VOPP1: variants seen among roughly 807,000 people sequenced by gnomAD.
VOPP1 encodes VOPP1 WW domain binding protein, also known as WW domain binding protein VOPP1.
A neutral mutation model predicts 23.5 loss-of-function variants in VOPP1; 8 were observed. The ratio of observed to expected loss-of-function variants is 0.34; its 90% CI spans 0.20 to 0.61. VOPP1 has a LOEUF of 0.61. Ranked by LOEUF, VOPP1 falls within the 20% of genes least tolerant of loss-of-function variation. The pLI, the probability that VOPP1 is intolerant of heterozygous loss-of-function variation, is 0.78. For synonymous variants in VOPP1, 83 were observed against 97.3 expected, an observed-to-expected ratio of 0.85 and a Z score of 0.86; for missense variants, 174 against 238.1, an observed-to-expected ratio of 0.73 and a Z score of 1.77.
At chr7:55,570,770 C>T (rs561260249) in intron 1 of VOPP1, among the ~76,000 whole-genome samples, 4 of 152,084 alleles carry the variant, frequency 2.6e-5, no homozygotes, top group African/African-American at 9.6e-5. Context: ...GACGAAACCC[C>T]GACTCTACTA....
chr7:55,483,363 T>C (rs1792883922), intron 4 of VOPP1, among the ~76,000 whole-genome samples: 1 of 152,196 alleles, frequency 6.6e-6, no homozygotes, highest in Admixed American at 6.5e-5. Context: ...TAAGTGTCTA[T>C]GGATCCTGAT....
intron 4 of VOPP1, 130 bp downstream of exon 4, chr7:55,492,152 G>T: frequency 7.6e-7 from 1 of 1,317,700 alleles, no homozygotes; most frequent in Non-Finnish European, 1.0e-6. Context: ...CTGGTCATCA[G>T]AACTAAAAAA....
intron 3 of VOPP1, among the ~76,000 whole-genome samples, chr7:55,495,722 C>G (rs868191834): frequency 2.5e-4 from 38 of 152,302 alleles, no homozygotes; most frequent in Middle Eastern, 6.8e-3. Flanking sequence ...ATATCAGACC[C>G]GATGTTGATT....
At chr7:55,553,404 A>C (rs933905007) in intron 1 of VOPP1, among the ~76,000 whole-genome samples, 3 of 152,206 alleles carry the variant, frequency 2.0e-5, no homozygotes, top group Non-Finnish European at 2.9e-5. Flanking sequence ...CCTGGGGAGC[A>C]ACGGGCTGTT....
intron 1 of VOPP1, among the ~76,000 whole-genome samples, chr7:55,525,489 C>CAAA (rs535700902): frequency 1.8e-5 from 2 of 111,226 alleles, no homozygotes; most frequent in Non-Finnish European, 1.9e-5. Flanking sequence ...ACTCCGTCTC[C>CAAA]AAAAAAAAAA....
chr7:55,556,049 C>CT (rs1421460024), intron 1 of VOPP1, among the ~76,000 whole-genome samples: 3 of 152,220 alleles, frequency 2.0e-5, no homozygotes, highest in Non-Finnish European at 2.9e-5. Context: ...GGAAGCCCCT[C>CT]TGCTGCTTAC....
At chr7:55,524,235 T>C (rs184666288) in intron 1 of VOPP1, among the ~76,000 whole-genome samples, 2 of 152,382 alleles carry the variant, frequency 1.3e-5, no homozygotes, top group African/African-American at 4.8e-5. Context: ...AATAACCTTT[T>C]ATCATTTCTC....
intron 1 of VOPP1, among the ~76,000 whole-genome samples, chr7:55,523,896 T>G (rs1421077971): frequency 1.3e-5 from 2 of 152,264 alleles, no homozygotes; most frequent in African/African-American, 2.4e-5. Flanking sequence ...TATCTTTTTA[T>G]GTAGTTTGAC....
chr7:55,481,479 C>T (rs541838030), intron 4 of VOPP1, among the ~76,000 whole-genome samples: 4 of 152,252 alleles, frequency 2.6e-5, no homozygotes, highest in East Asian at 1.9e-4. Context: ...AGGGTGGTGT[C>T]GAGAGAAAAG....
Position 55,471,656 on chromosome 7 carries a change from G to A in VOPP1, c.*1199C>T, listed in dbSNP as rs1273078165. On this transcript the variant is annotated 3_prime_UTR_variant, in exon 5 of 5. Coordinates refer to ENST00000285279, the MANE Select transcript of VOPP1 (RefSeq NM_030796.5). ...CCGTCAACTACTCAGGAGACTACCT[G>A]TGAGATCCTGGGGTGAGCTGTGATT... The A allele has an allele frequency of 6.6e-6, 1 of 151,818 alleles. No individual in the cohort carries two copies. The highest frequency in any genetic ancestry group is 1.5e-5 in the Non-Finnish European group (1 of 67,966). 9.4% of individuals were successfully genotyped at this position (151,818 alleles called of 1,614,324 possible).
At chr7:55,451,791 A>G (rs2129001799) in intron 4 of VOPP1, among the ~76,000 whole-genome samples, 1 of 152,340 alleles carries the variant, frequency 6.6e-6, no homozygotes. Flanking sequence ...ACTCTGTCTA[A>G]AAACAAACAA....
At chr7:55,483,305 A>C (rs1420121050) in intron 4 of VOPP1, among the ~76,000 whole-genome samples, 1 of 152,176 alleles carries the variant, frequency 6.6e-6, no homozygotes, top group Admixed American at 6.5e-5. Context: ...TCCAGGGACC[A>C]TGCATGTCTT....
At chr7:55,484,165 T>C (rs1452496059) in intron 4 of VOPP1, among the ~76,000 whole-genome samples, 1 of 152,236 alleles carries the variant, frequency 6.6e-6, no homozygotes, top group Non-Finnish European at 1.5e-5. Flanking sequence ...CCTTGCTGTT[T>C]CTTATCTAGT....
chr7:55,516,148 C>A (rs6950027), intron 2 of VOPP1: 61,897 of 351,626 alleles, frequency 0.18, 5,869 homozygotes, highest in Middle Eastern at 0.24. Context: ...AGCCCTGAAC[C>A]AAAGCACAGA....
chr7:55,488,054 A>C (rs1793279266), intron 4 of VOPP1, among the ~76,000 whole-genome samples: 2 of 152,164 alleles, frequency 1.3e-5, no homozygotes, highest in Non-Finnish European at 2.9e-5. Context: ...GAATGAAGAC[A>C]ATTTTTTCCT....
intron 1 of VOPP1, among the ~76,000 whole-genome samples, chr7:55,538,294 A>G (rs1009013814): frequency 1.3e-5 from 2 of 152,078 alleles, no homozygotes; most frequent in South Asian, 2.1e-4. Flanking sequence ...ACTGAGCTAC[A>G]CTCTCTGGTC....
intron 1 of VOPP1, among the ~76,000 whole-genome samples, chr7:55,524,067 G>A (rs1003003680): frequency 2.6e-5 from 4 of 152,194 alleles, no homozygotes; most frequent in African/African-American, 7.2e-5. Context: ...GTGCTCACAG[G>A]AGACTCACAC....
chr7:55,517,693 GCAGGTCAAGCA>G (rs2129039352), intron 2 of VOPP1, among the ~76,000 whole-genome samples: 1 of 152,246 alleles, frequency 6.6e-6, no homozygotes, highest in South Asian at 2.1e-4. Context: ...TGTGCCTCCT[GCAGGTCAAGCA>G]CTTCCAGTAG....
intron 1 of VOPP1, among the ~76,000 whole-genome samples, chr7:55,524,036 G>C (rs1424805979): frequency 2.0e-5 from 3 of 152,210 alleles, no homozygotes; most frequent in Admixed American, 2.0e-4. Context: ...CAACTAAGCA[G>C]GGTAGATGCC....
Sources: allele counts gnomAD v4.1 joint callset (sites outside exome capture counted in the v4.1 genomes callset), GRCh38; gene constraint gnomAD v4.1.1; transcripts MANE v1.5; gene names NCBI Gene and HGNC (gene_info 2026-07-23, HGNC 2026-07-21).